Variants in DLG2 observed in about 807,000 individuals in gnomAD.
The protein encoded by DLG2 is disks large homolog 2.
A neutral mutation model predicts 132.5 loss-of-function variants in DLG2; 45 were observed. That is an observed-to-expected ratio of 0.34 (90% CI 0.27 to 0.44). The LOEUF is 0.44. Ranked by LOEUF, DLG2 falls within the 20% of genes least tolerant of loss-of-function variation. The pLI, the probability that DLG2 is intolerant of heterozygous loss-of-function variation, is 1.00. For missense variants in DLG2, 1,045 were observed against 1,196.9 expected, an observed-to-expected ratio of 0.87 and a Z score of 1.87; for synonymous variants, 424 against 419.6, an observed-to-expected ratio of 1.01 and a Z score of -0.13.
At chr11:85,561,252 A>C (rs919109673) in intron 3 of DLG2, among the ~76,000 whole-genome samples, 2 of 140,046 alleles carry the variant, frequency 1.4e-5, no homozygotes, top group African/African-American at 5.2e-5. Flanking sequence ...GGATCTCTTG[A>C]GCCCAGGAGT....
intron 18 of DLG2, among the ~76,000 whole-genome samples, chr11:83,724,476 TGAGAGA>T (rs59782952): frequency 0.061 from 7,220 of 117,990 alleles, 236 homozygotes; most frequent in East Asian, 0.13. Context: ...TGTGTGTGTG[TGAGAGA>T]GAGAGAGAGA....
rs1338287491 is a variant in DLG2, at chr11:84,711,363, AGAGAGAGAGAGAGAGAGATC to A, written c.358-176652_358-176633del. 2.7e-3 allele frequency among the ~76,000 whole-genome samples: 266 copies of A among 98,708 alleles called. 6 individuals carry two copies. Among genetic ancestry groups the A allele is most frequent in the African/African-American group, 0.022 (245 of 11,374 alleles). 64.8% of individuals were successfully genotyped at this position (98,708 alleles called of 152,430 possible). On this transcript the variant is annotated intron_variant, in intron 6 of 27. Coordinates refer to ENST00000376104, the MANE Select transcript of DLG2 (RefSeq NM_001142699.3). ...GAGAGAGAGAGAGAGAGAGAGAGAG[AGAGAGAGAGAGAGAGAGATC>A]GATCGATCTAGCTATCCTCCCCCAC... is the stretch of plus-strand genomic sequence containing the variant.
intron 18 of DLG2, among the ~76,000 whole-genome samples, chr11:83,701,717 G>A (rs1369760766): frequency 7.9e-5 from 12 of 152,214 alleles, no homozygotes; most frequent in Admixed American, 7.9e-4. Context: ...TGAAATGTGT[G>A]TATATACAAG....
chr11:84,865,426 G>C (rs1017745779), intron 6 of DLG2, among the ~76,000 whole-genome samples: 1 of 152,144 alleles, frequency 6.6e-6, no homozygotes, highest in African/African-American at 2.4e-5. Context: ...TACACATGTA[G>C]AGCCCAGGAA....
chr11:84,125,014 C>A (rs2094110307), intron 9 of DLG2, among the ~76,000 whole-genome samples: 2 of 152,050 alleles, frequency 1.3e-5, no homozygotes, highest in East Asian at 1.9e-4. Flanking sequence ...CCATGCCCGG[C>A]TAATTTTGTA....
chr11:85,461,551 C>A (rs778233564), intron 3 of DLG2, among the ~76,000 whole-genome samples: 1 of 152,306 alleles, frequency 6.6e-6, no homozygotes, highest in South Asian at 2.1e-4. Flanking sequence ...CCTTGAGTAC[C>A]TGTGACTGAA....
At chr11:85,459,180 T>G (rs1167017774) in intron 3 of DLG2, among the ~76,000 whole-genome samples, 1 of 152,160 alleles carries the variant, frequency 6.6e-6, no homozygotes, top group Non-Finnish European at 1.5e-5. Context: ...GACAGCAAGG[T>G]CACTACCACT....
intron 6 of DLG2, among the ~76,000 whole-genome samples, chr11:84,916,348 CAAAAAAAAAAAAAAAAAAA>C (rs11423369): frequency 3.6e-5 from 1 of 27,938 alleles, no homozygotes; most frequent in Non-Finnish European, 6.2e-5. Context: ...GACTCCGTCT[CAAAAAAAAAAAAAAAAAAA>C]AAAAAAAAAA....
chr11:84,862,116 G>A (rs537265636), intron 6 of DLG2, among the ~76,000 whole-genome samples: 2 of 152,066 alleles, frequency 1.3e-5, no homozygotes, highest in African/African-American at 4.8e-5. Context: ...CAGCGCACCA[G>A]CATGGCACAT....
chr11:85,157,885 T>C (rs2077707230), intron 4 of DLG2, among the ~76,000 whole-genome samples: 1 of 152,162 alleles, frequency 6.6e-6, no homozygotes, highest in African/African-American at 2.4e-5. Flanking sequence ...GCTCCCCCAT[T>C]CCCAGTAGTG....
At chr11:85,151,493 T>G (rs1211401005) in intron 5 of DLG2, among the ~76,000 whole-genome samples, 1 of 152,180 alleles carries the variant, frequency 6.6e-6, no homozygotes, top group African/African-American at 2.4e-5. Flanking sequence ...GTTTAAATAT[T>G]ACATTTTCTG....
At chr11:84,023,690 C>T (rs183257527) in intron 11 of DLG2, among the ~76,000 whole-genome samples, 222 of 152,182 alleles carry the variant, frequency 1.5e-3, no homozygotes, top group Non-Finnish European at 2.2e-3. Context: ...ACTGCATAGC[C>T]TAGAAATATT....
At chr11:84,945,043 G>A (rs140022198) in intron 6 of DLG2, among the ~76,000 whole-genome samples, 1 of 152,296 alleles carries the variant, frequency 6.6e-6, no homozygotes, top group African/African-American at 2.4e-5. Context: ...TCTGGTACCT[G>A]ATTTAGTTTA....
At chr11:84,173,984 T>C (rs1463882266) in intron 8 of DLG2, among the ~76,000 whole-genome samples, 1 of 147,104 alleles carries the variant, frequency 6.8e-6, no homozygotes, top group Non-Finnish European at 1.5e-5. Flanking sequence ...GCTTTTATAA[T>C]CTACCTGAGT....
intron 6 of DLG2, among the ~76,000 whole-genome samples, chr11:84,572,189 G>C (rs1415019760): frequency 6.6e-6 from 1 of 151,932 alleles, no homozygotes; most frequent in Non-Finnish European, 1.5e-5. Flanking sequence ...TTTAGCATTA[G>C]GTACATCTAG....
intron 18 of DLG2, among the ~76,000 whole-genome samples, chr11:83,717,812 G>A (rs1409477080): frequency 1.3e-5 from 2 of 152,198 alleles, no homozygotes; most frequent in African/African-American, 2.4e-5. Context: ...CAGAAAAAAA[G>A]GTGGCCTTGC....
intron 7 of DLG2, among the ~76,000 whole-genome samples, chr11:84,459,708 T>C (rs1230936470): frequency 6.6e-6 from 1 of 150,696 alleles, no homozygotes; most frequent in Non-Finnish European, 1.5e-5. Context: ...GGTTGTGTTT[T>C]CTGTTAGTGT....
At chr11:83,523,265 T>G (rs1241488332) in intron 21 of DLG2, among the ~76,000 whole-genome samples, 1 of 152,226 alleles carries the variant, frequency 6.6e-6, no homozygotes, top group Non-Finnish European at 1.5e-5. Flanking sequence ...TTACCTTGAA[T>G]TAATGATGAA....
intron 6 of DLG2, among the ~76,000 whole-genome samples, chr11:84,658,114 C>T (rs576206219): frequency 6.6e-6 from 1 of 152,172 alleles, no homozygotes; most frequent in East Asian, 1.9e-4. Flanking sequence ...GCTTCTTTCT[C>T]CCTTCTTCCT....
Sources: allele counts gnomAD v4.1 joint callset (sites outside exome capture counted in the v4.1 genomes callset), GRCh38; gene constraint gnomAD v4.1.1; transcripts MANE v1.5; gene names NCBI Gene and HGNC (gene_info 2026-07-23, HGNC 2026-07-21).